ADGRL2: variants seen among roughly 807,000 people sequenced by gnomAD.
The protein encoded by ADGRL2 is adhesion G protein-coupled receptor L2.
In ADGRL2, 44 loss-of-function variants were observed where a neutral mutation model predicts 157.4. The ratio of observed to expected loss-of-function variants is 0.28; its 90% CI spans 0.22 to 0.36. ADGRL2 has a LOEUF of 0.36. ADGRL2 is among the 10% of genes least tolerant of loss of function. The probability of loss-of-function intolerance (pLI) is 1.00; values close to 1 mark genes in which losing one functional copy is unlikely to be tolerated. For synonymous variants in ADGRL2, 585 were observed against 624.7 expected (o/e 0.94, Z 0.95); for missense variants, 1,510 against 1,768.9 (o/e 0.85, Z 2.63).
intron 5 of ADGRL2, among the ~76,000 whole-genome samples, chr1:81,942,377 G>A (rs575922085): frequency 6.6e-6 from 1 of 151,884 alleles, no homozygotes; most frequent in South Asian, 2.1e-4. Flanking sequence ...GCATGCCATG[G>A]TTACAGGGTC....
In ADGRL2 at chr1:81,870,916, T is replaced by G. The variant is rs2093673735; in HGVS notation, c.73+33859T>G. Among the ~76,000 whole-genome samples the G allele has an allele frequency of 1.3e-5, 2 of 150,374 alleles. 1 individual carries two copies. The highest frequency in any genetic ancestry group is 1.3e-4 in the Admixed American group (2 of 15,058). On this transcript the variant is annotated intron_variant, in intron 2 of 23. Coordinates refer to ENST00000686636, the MANE Select transcript of ADGRL2 (RefSeq NM_001366006.2). ...TTTGTAGATGTTAATCTTTCCTTTT[T>G]TTTTTTGAAGATTTTTTTTTTCTTT...
At chr1:81,399,944 G>C (rs1478077666) in intron 1 of ADGRL2, among the ~76,000 whole-genome samples, 2 of 151,526 alleles carry the variant, frequency 1.3e-5, no homozygotes, top group Non-Finnish European at 2.9e-5. Flanking sequence ...AGCTTTTGTA[G>C]AGAATGACTT....
chr1:81,392,212 C>G (rs770475414), intron 1 of ADGRL2, among the ~76,000 whole-genome samples: 5 of 102,958 alleles, frequency 4.9e-5, no homozygotes, highest in Non-Finnish European at 1.1e-4. Flanking sequence ...CACACTTCCT[C>G]CTACCCCATC....
At chr1:81,448,213 C>T (rs561686613) in intron 2 of ADGRL2, among the ~76,000 whole-genome samples, 33 of 135,152 alleles carry the variant, frequency 2.4e-4, no homozygotes, top group Non-Finnish European at 4.4e-4. Context: ...GGCTTAATCT[C>T]GGCACACTGC....
chr1:81,911,881 T>A (rs1258620120), intron 3 of ADGRL2, among the ~76,000 whole-genome samples: 1 of 150,154 alleles, frequency 6.7e-6, no homozygotes, highest in Non-Finnish European at 1.5e-5. Flanking sequence ...CTCCCATTTT[T>A]TTTTTTTTTT....
chr1:81,725,055 A>C (rs1225022465), intron 1 of ADGRL2, among the ~76,000 whole-genome samples: 1 of 151,496 alleles, frequency 6.6e-6, no homozygotes, highest in Admixed American at 6.6e-5. Flanking sequence ...AATACAAAAA[A>C]TTAGCTGGGC....
intron 3 of ADGRL2, among the ~76,000 whole-genome samples, chr1:81,918,505 G>T (rs1273898304): frequency 1.3e-5 from 2 of 151,760 alleles, no homozygotes; most frequent in Non-Finnish European, 2.9e-5. Context: ...ACATGACAAG[G>T]GTAGTACTTA....
intron 2 of ADGRL2, among the ~76,000 whole-genome samples, chr1:81,469,581 A>T (rs1368209094): frequency 6.6e-6 from 1 of 152,218 alleles, no homozygotes; most frequent in Non-Finnish European, 1.5e-5. Flanking sequence ...CAGTTTAAGC[A>T]TGAAAAAGTT....
chr1:81,608,347 T>C (rs2081474866), intron 3 of ADGRL2, among the ~76,000 whole-genome samples: 1 of 152,186 alleles, frequency 6.6e-6, no homozygotes, highest in African/African-American at 2.4e-5. Context: ...GGTGAGACTC[T>C]CGCTCCAGAA....
At chr1:81,541,792 A>C (rs1309403007) in intron 2 of ADGRL2, among the ~76,000 whole-genome samples, 1 of 151,218 alleles carries the variant, frequency 6.6e-6, no homozygotes, top group East Asian at 1.9e-4. Flanking sequence ...TCTACTAAAA[A>C]AAAAAAAAAA....
chr1:81,860,937 A>C (rs1020951181), intron 2 of ADGRL2, among the ~76,000 whole-genome samples: 1 of 151,318 alleles, frequency 6.6e-6, no homozygotes, highest in African/African-American at 2.4e-5. Context: ...CAGTTGTCCA[A>C]TTGCATAACT....
chr1:81,354,942 A>G (rs1193619757), intron 1 of ADGRL2, among the ~76,000 whole-genome samples: 1 of 152,162 alleles, frequency 6.6e-6, no homozygotes, highest in African/African-American at 2.4e-5. Context: ...TCTTTTCCAG[A>G]CATATTTCAA....
intron 1 of ADGRL2, among the ~76,000 whole-genome samples, chr1:81,346,367 A>G (rs895089053): frequency 3.3e-5 from 5 of 152,124 alleles, no homozygotes; most frequent in Admixed American, 3.3e-4. Flanking sequence ...AATTTGGTAA[A>G]CCATCTTTAT....
chr1:81,968,731 A>G (rs570852176), intron 14 of ADGRL2, among the ~76,000 whole-genome samples: 2 of 152,224 alleles, frequency 1.3e-5, no homozygotes, highest in Non-Finnish European at 2.9e-5. Context: ...GATCCGTAGT[A>G]TGTGTCAACT....
chr1:81,360,449 A>G (rs2075958019), intron 1 of ADGRL2, among the ~76,000 whole-genome samples: 1 of 152,000 alleles, frequency 6.6e-6, no homozygotes, highest in Non-Finnish European at 1.5e-5. Flanking sequence ...TGTGTTTCTG[A>G]AAAAAATAAT....
chr1:81,458,732 C>T (rs182496019), intron 2 of ADGRL2, among the ~76,000 whole-genome samples: 503 of 152,270 alleles, frequency 3.3e-3, no homozygotes, highest in Non-Finnish European at 6.0e-3. Flanking sequence ...TAGGAGATGC[C>T]AGAAACCAGG....
intron 1 of ADGRL2, among the ~76,000 whole-genome samples, chr1:81,406,884 C>T (rs774378668): frequency 6.6e-6 from 1 of 152,032 alleles, no homozygotes; most frequent in Non-Finnish European, 1.5e-5. Flanking sequence ...CAGCTTGTGA[C>T]GAGGGAGTGT....
chr1:81,459,224 T>A lies in ADGRL2; in HGVS notation c.-248+14135T>A, dbSNP rs140125796. Among the ~76,000 whole-genome samples, 3 of 152,306 alleles carry A rather than the reference T, an allele frequency of 2.0e-5. No individual in the cohort carries two copies. The East Asian group carries it at 5.8e-4, about 29-fold the overall frequency. ...CTATCCAGAACTGGCAGCTCAGTCT[T>A]CAGGCTTTGAACTGTCATTGGCTTG... On this transcript the variant is annotated intron_variant, in intron 2 of 24. Transcript: ENST00000370721.
At chr1:81,561,462 T>A (rs1423368816) in intron 2 of ADGRL2, among the ~76,000 whole-genome samples, 3 of 150,900 alleles carry the variant, frequency 2.0e-5, no homozygotes, top group Non-Finnish European at 4.4e-5. Context: ...TTGTTGTTGT[T>A]TTTGTTTTTT....
Sources: gnomAD v4.1 joint callset for allele counts (sites outside exome capture counted in the v4.1 genomes callset) on GRCh38, gnomAD v4.1.1 for gene constraint, MANE v1.5 for transcripts, NCBI Gene and HGNC (gene_info 2026-07-23, HGNC 2026-07-21) for gene names.